The following ELMO1 variants were observed in gnomAD, a reference collection of about 807,000 sequenced individuals.
The protein encoded by ELMO1 is engulfment and cell motility 1, also known as engulfment and cell motility protein 1.
Under a neutral mutation model 98.9 loss-of-function variants are expected in ELMO1, and 26 were observed. The ratio of observed to expected loss-of-function variants is 0.26; its 90% CI spans 0.19 to 0.36. The LOEUF is 0.36. Among genes scored for constraint, ELMO1 ranks in the 10% least tolerant of loss-of-function variants. The pLI, the probability that ELMO1 is intolerant of heterozygous loss-of-function variation, is 1.00. For missense variants in ELMO1, 627 were observed against 935.2 expected (o/e 0.67, Z 4.30); for synonymous variants, 346 against 346.0 (o/e 1.00, Z 0.00).
intron 16 of ELMO1, among the ~76,000 whole-genome samples, chr7:37,010,366 G>T (rs1793459816): frequency 6.6e-6 from 1 of 152,216 alleles, no homozygotes; most frequent in Non-Finnish European, 1.5e-5. Context: ...ACCTTCTGCA[G>T]CACAGGGGAA....
chr7:37,130,776 T>A (rs1563022726), intron 14 of ELMO1, among the ~76,000 whole-genome samples: 1 of 150,080 alleles, frequency 6.7e-6, no homozygotes, highest in Non-Finnish European at 1.5e-5. Flanking sequence ...TGTGTGTGTG[T>A]TACAATTTTT....
rs529967885 is a variant in ELMO1 at position 37,223,114 on chromosome 7, T to C, written c.702-421A>G. 3.3e-5 allele frequency among the ~76,000 whole-genome samples: 5 copies of C among 152,362 alleles called. No homozygotes were observed. In the East Asian group the frequency reaches 9.6e-4, roughly 29 times the overall value. On this transcript the variant is annotated intron_variant, in intron 9 of 21. Transcript: ENST00000310758. ...AGTAGTTTCAGATGTCTCCACATTC[T>C]TGGGCTAATTGGATGGCTCTATTAT...
intron 14 of ELMO1, among the ~76,000 whole-genome samples, chr7:37,098,115 A>G (rs377470296): frequency 6.6e-6 from 1 of 152,220 alleles, no homozygotes; most frequent in East Asian, 1.9e-4. Context: ...TAATAGCTAC[A>G]CCACTTTGAA....
intron 10 of ELMO1, among the ~76,000 whole-genome samples, chr7:37,221,023 G>A (rs565555603): frequency 5.3e-5 from 8 of 152,180 alleles, no homozygotes; most frequent in South Asian, 2.1e-4. Flanking sequence ...TTATGAGTTC[G>A]GTATTTAGAC....
At chr7:37,368,180 A>G (rs1484510453) in intron 1 of ELMO1, among the ~76,000 whole-genome samples, 1 of 152,178 alleles carries the variant, frequency 6.6e-6, no homozygotes, top group Non-Finnish European at 1.5e-5. Context: ...CTCATTCTAA[A>G]CATTTTAAGA....
chr7:37,379,605 G>C (rs139280710), intron 1 of ELMO1, among the ~76,000 whole-genome samples: 2 of 152,208 alleles, frequency 1.3e-5, no homozygotes, highest in East Asian at 3.9e-4. Context: ...CTTGTGATCT[G>C]AGAGATCAAA....
intron 15 of ELMO1, among the ~76,000 whole-genome samples, chr7:37,035,917 TAC>T (rs1795149365): frequency 6.6e-6 from 1 of 152,228 alleles, no homozygotes; most frequent in Non-Finnish European, 1.5e-5. Flanking sequence ...CAGTATGTAC[TAC>T]AGTTAATTTT....
chr7:37,289,890 G>A (rs1205848156), intron 4 of ELMO1, among the ~76,000 whole-genome samples: 1 of 152,132 alleles, frequency 6.6e-6, no homozygotes, highest in Non-Finnish European at 1.5e-5. Flanking sequence ...TTAAAAACTT[G>A]TCTTCATCTT....
At position 37,213,351 on chromosome 7, in the gene ELMO1, AT is replaced by A. The variant is rs1438383944; in HGVS notation, c.937del (p.Met313TrpfsTer106). On this transcript the variant is annotated frameshift_variant, in exon 12 of 22. Coordinates refer to ENST00000310758, the MANE Select transcript of ELMO1 (RefSeq NM_014800.11). LOFTEE classifies it high-confidence loss of function. Reference protein sequence around the residue: ...NLLEDRMMTKMDPQDQAQRDI... With the variant: ...NLLEDRMMTKXDPQDQAQRDI... ...AGCACTCACCTGGTCCTGGGGGTCC[AT>A]TTTGGTCATCATCCTGTCTTCCAGG... The A allele has an allele frequency of 6.2e-7, 1 of 1,612,910 alleles. No individual in the cohort carries two copies. Among genetic ancestry groups the A allele is most frequent in the Non-Finnish European group, 8.5e-7 (1 of 1,179,666 alleles).
At chr7:37,245,085 T>C (rs1255895848) in intron 6 of ELMO1, among the ~76,000 whole-genome samples, 1 of 151,814 alleles carries the variant, frequency 6.6e-6, no homozygotes, top group Non-Finnish European at 1.5e-5. Context: ...AGTATGATCT[T>C]CCCTCTTTAT....
intron 1 of ELMO1, among the ~76,000 whole-genome samples, chr7:37,355,325 C>A (rs1427281846): frequency 6.6e-6 from 1 of 152,120 alleles, no homozygotes; most frequent in Non-Finnish European, 1.5e-5. Context: ...TAGAGTAGTG[C>A]CTGACCTGGG....
intron 4 of ELMO1, among the ~76,000 whole-genome samples, chr7:37,280,052 C>T (rs560783406): frequency 6.6e-6 from 1 of 152,342 alleles, no homozygotes; most frequent in East Asian, 1.9e-4. Context: ...AACCCAAATA[C>T]TTATAACCAA....
intron 13 of ELMO1, among the ~76,000 whole-genome samples, chr7:37,170,732 A>G (rs1215238909): frequency 1.3e-5 from 2 of 151,160 alleles, no homozygotes; most frequent in African/African-American, 4.9e-5. Context: ...TCAGCCTCGC[A>G]AGTAGCTGGG....
chr7:37,165,112 TTCA>T (rs1789559004), intron 13 of ELMO1, among the ~76,000 whole-genome samples: 1 of 152,166 alleles, frequency 6.6e-6, no homozygotes, highest in African/African-American at 2.4e-5. Context: ...TGAATAGGAG[TTCA>T]CTCATGATTT....
intron 16 of ELMO1, among the ~76,000 whole-genome samples, chr7:36,975,286 A>G (rs2129138463): frequency 6.6e-6 from 1 of 152,156 alleles, no homozygotes; most frequent in South Asian, 2.1e-4. Context: ...CCTGGGCAAC[A>G]TGGTGAAACC....
chr7:37,063,443 A>G (rs1796772702), intron 15 of ELMO1, among the ~76,000 whole-genome samples: 1 of 152,224 alleles, frequency 6.6e-6, no homozygotes, highest in Non-Finnish European at 1.5e-5. Flanking sequence ...GTCAGTACTA[A>G]ACAAAGTTAA....
At chr7:37,099,231 A>C (rs953128675) in intron 14 of ELMO1, among the ~76,000 whole-genome samples, 1 of 152,246 alleles carries the variant, frequency 6.6e-6, no homozygotes, top group Admixed American at 6.5e-5. Flanking sequence ...GTCAAGGCAG[A>C]CACAAATATT....
In ELMO1 at chr7:36,872,877, T is replaced by C. The variant is rs1161728353; in HGVS notation, c.1823-2402A>G. Among the ~76,000 whole-genome samples, 3 of 152,218 alleles carry C rather than the reference T, an allele frequency of 2.0e-5. No individual in the cohort carries two copies. The East Asian group carries it at 5.8e-4, about 29-fold the overall frequency. On this transcript the variant is annotated intron_variant, in intron 19 of 21. Transcript: ENST00000310758. ...AGTTTTTTTGTTATAATATATAGCA[T>C]GGTCCATGAACTAGAGACAGTGTCC... is the stretch of plus-strand genomic sequence containing the variant.
intron 16 of ELMO1, among the ~76,000 whole-genome samples, chr7:36,900,685 T>C (rs1712728318): frequency 6.6e-6 from 1 of 152,112 alleles, no homozygotes; most frequent in South Asian, 2.1e-4. Flanking sequence ...TAATGGGTGG[T>C]CAATACTTAC....
Sources: gnomAD v4.1 joint callset for allele counts (sites outside exome capture counted in the v4.1 genomes callset) on GRCh38, gnomAD v4.1.1 for gene constraint, MANE v1.5 for transcripts, NCBI Gene and HGNC (gene_info 2026-07-23, HGNC 2026-07-21) for gene names.